The following EVL variants were observed in gnomAD, a reference collection of about 807,000 sequenced individuals.
The protein encoded by EVL is Enah/Vasp-like, also known as ena/VASP-like protein.
In EVL, 21 loss-of-function variants were observed where a neutral mutation model predicts 59.6. That is an observed-to-expected ratio of 0.35 (90% CI 0.25 to 0.51). The LOEUF is 0.51. Ranked by LOEUF, EVL falls within the 20% of genes least tolerant of loss-of-function variation. EVL has a pLI of 0.97. For missense variants in EVL, 462 were observed against 546.6 expected (o/e 0.85, Z 1.54); for synonymous variants, 198 against 203.5 (o/e 0.97, Z 0.23).
chr14:100,046,749 C>G (rs76908464), intron 1 of EVL, among the ~76,000 whole-genome samples: 1 of 145,994 alleles, frequency 6.8e-6, no homozygotes, highest in Non-Finnish European at 1.5e-5. Flanking sequence ...TTTTCTTTTT[C>G]TTTCTTTTTT....
intron 1 of EVL, among the ~76,000 whole-genome samples, chr14:100,076,334 A>G (rs1310974117): frequency 1.3e-5 from 2 of 152,174 alleles, no homozygotes; most frequent in Admixed American, 1.3e-4. Flanking sequence ...TGGGACCAGC[A>G]GAGTCATCTA....
intron 3 of EVL, among the ~76,000 whole-genome samples, chr14:100,098,493 C>G (rs1446321126): frequency 1.3e-5 from 2 of 152,222 alleles, no homozygotes; most frequent in East Asian, 3.8e-4. Context: ...CCCCAAATAC[C>G]TGGAAGACTT....
At chr14:100,125,997 C>A (rs943628579) in intron 4 of EVL, among the ~76,000 whole-genome samples, 2 of 152,216 alleles carry the variant, frequency 1.3e-5, no homozygotes, top group Admixed American at 6.5e-5. Context: ...TTGCACCACA[C>A]GAGCTGAGCT....
rs1394222368 is a variant in EVL, at chr14:100,114,895, G to A, written c.359-8644G>A. On this transcript the variant is annotated intron_variant, in intron 3 of 13. Coordinates refer to ENST00000392920, the MANE Select transcript of EVL (RefSeq NM_016337.3). This position sits in a 1 kb window ranked among gnomAD's most constrained non-coding sequence, Gnocchi z 5.0. ...TTGCGGAAGCGGCAGGGTGGAAGCA[G>A]CAGCTGGGTACTGGGAGGCCTGAGC... Among the ~76,000 whole-genome samples, 1 of 151,974 alleles carries A rather than the reference G, an allele frequency of 6.6e-6. No homozygotes were observed. Among genetic ancestry groups the A allele is most frequent in the African/African-American group, 2.4e-5 (1 of 41,428 alleles).
chr14:99,989,302 C>G (rs2060860498), intron 1 of EVL, among the ~76,000 whole-genome samples: 1 of 152,024 alleles, frequency 6.6e-6, no homozygotes, highest in African/African-American at 2.4e-5. Flanking sequence ...TCTCTTTGTC[C>G]CCATCTCCCC....
At chr14:100,037,367 T>C (rs60984276) in intron 1 of EVL, among the ~76,000 whole-genome samples, 1,978 of 152,328 alleles carry the variant, frequency 0.013, 43 homozygotes, top group African/African-American at 0.045. Flanking sequence ...AACAGGGGCC[T>C]TCTGCTCAGT....
chr14:100,046,866 C>A (rs1439315468), intron 1 of EVL, among the ~76,000 whole-genome samples: 1 of 150,546 alleles, frequency 6.6e-6, no homozygotes, highest in Non-Finnish European at 1.5e-5. Context: ...CATTCTCCTG[C>A]CTCAGCCTCC....
At chr14:100,052,121 C>T (rs2061657278) in intron 1 of EVL, among the ~76,000 whole-genome samples, 1 of 152,214 alleles carries the variant, frequency 6.6e-6, no homozygotes, top group Non-Finnish European at 1.5e-5. Context: ...CCATGCCTTA[C>T]CTATCTGGTA....
At chr14:100,104,679 A>C (rs1328278754) in intron 3 of EVL, among the ~76,000 whole-genome samples, 1 of 152,250 alleles carries the variant, frequency 6.6e-6, no homozygotes, top group East Asian at 1.9e-4. Flanking sequence ...TAGTCATAAC[A>C]GTTACCAGTC....
At chr14:100,053,250 T>G (rs530004604) in intron 1 of EVL, among the ~76,000 whole-genome samples, 25 of 152,322 alleles carry the variant, frequency 1.6e-4, no homozygotes, top group African/African-American at 5.8e-4. Flanking sequence ...TGCTGTCTTA[T>G]TCTATATTTT....
chr14:100,113,803 G>A (rs1448814966), intron 3 of EVL, among the ~76,000 whole-genome samples: 1 of 152,126 alleles, frequency 6.6e-6, no homozygotes, highest in Non-Finnish European at 1.5e-5. Context: ...GGAGGAGAGA[G>A]GTTTGGTGGG....
chr14:99,990,056 T>C (rs1243102509), intron 1 of EVL, among the ~76,000 whole-genome samples: 1 of 152,182 alleles, frequency 6.6e-6, no homozygotes, highest in East Asian at 1.9e-4. Context: ...CCAAGTCTTC[T>C]CTAGGTTAAA....
At chr14:100,019,480 C>T (rs1404710201) in intron 1 of EVL, 2 of 540,254 alleles carry the variant, frequency 3.7e-6, no homozygotes, top group Non-Finnish European at 6.4e-6. Context: ...TGCCGCTTGT[C>T]AGCAGCTGGC....
intron 3 of EVL, among the ~76,000 whole-genome samples, chr14:100,102,578 G>A (rs544868900): frequency 2.6e-5 from 4 of 152,262 alleles, no homozygotes; most frequent in Admixed American, 1.3e-4. Flanking sequence ...TCCTCGTCTG[G>A]CTTCTGAAAG....
chr14:100,118,052 AG>A (rs1220907420), intron 3 of EVL, among the ~76,000 whole-genome samples: 2 of 152,112 alleles, frequency 1.3e-5, no homozygotes, highest in Non-Finnish European at 2.9e-5. Context: ...ATGGAGTTAA[AG>A]TCAGGCTGTT....
chr14:100,061,505 G>C (rs561985512), upstream of EVL, among the ~76,000 whole-genome samples: 2 of 148,282 alleles, frequency 1.3e-5, no homozygotes, highest in Non-Finnish European at 3.0e-5. Context: ...TCAAGTGCTC[G>C]GGGATGGATA....
At chr14:100,138,926 C>T (rs998863580) in intron 11 of EVL, 2 of 152,900 alleles carry the variant, frequency 1.3e-5, no homozygotes, top group Non-Finnish European at 2.9e-5. Context: ...AGCCTGCAGC[C>T]ACCCGCCAAG....
chr14:100,112,032 G>A (rs562366648), intron 3 of EVL, among the ~76,000 whole-genome samples: 13 of 152,334 alleles, frequency 8.5e-5, no homozygotes, highest in South Asian at 4.1e-4. Context: ...CCACATCTTC[G>A]AAAGTGAGGG....
chr14:100,098,115 G>C (rs1885946020), intron 3 of EVL, among the ~76,000 whole-genome samples: 2 of 152,166 alleles, frequency 1.3e-5, no homozygotes, highest in African/African-American at 4.8e-5. Flanking sequence ...TCCCCTCAAG[G>C]CATTTAGTTT....
Sources: gnomAD v4.1 joint callset for allele counts (sites outside exome capture counted in the v4.1 genomes callset) on GRCh38, gnomAD v4.1.1 for gene constraint, Gnocchi (gnomAD v3.1) non-coding constraint, MANE v1.5 for transcripts, NCBI Gene and HGNC (gene_info 2026-07-23, HGNC 2026-07-21) for gene names.